The following B4GALT1 variants were observed in gnomAD, a reference collection of about 807,000 sequenced individuals.
B4GALT1 encodes the protein N-acetyllactosamine synthase.
Under a neutral mutation model 34.9 loss-of-function variants are expected in B4GALT1, and 16 were observed. The observed-to-expected ratio is 0.46, with a 90% CI of 0.31 to 0.70. The LOEUF is 0.70. B4GALT1 is among the 30% of genes least tolerant of loss of function. The pLI, the probability that B4GALT1 is intolerant of heterozygous loss-of-function variation, is 0.05. For missense variants in B4GALT1, 445 were observed against 530.5 expected, an observed-to-expected ratio of 0.84 and a Z score of 1.58; for synonymous variants, 221 against 218.1, an observed-to-expected ratio of 1.01 and a Z score of -0.12.
At chr9:33,152,544 CCAAAAAAAGGGTAAAA>C (rs922456003) in intron 1 of B4GALT1, among the ~76,000 whole-genome samples, 5 of 142,652 alleles carry the variant, frequency 3.5e-5, no homozygotes, top group Admixed American at 7.0e-5. Context: ...AAAAAATGGG[CCAAAAAAAGGGTAAAA>C]AAAAAAAAGG....
upstream of B4GALT1, among the ~76,000 whole-genome samples, chr9:33,168,862 C>G (rs1840810696): frequency 1.3e-5 from 2 of 152,188 alleles, no homozygotes; most frequent in Admixed American, 1.3e-4. Context: ...TACATCTTGC[C>G]CTCAGCAACC....
At chr9:33,184,863 TGA>T in the B4GALT1 span, among the ~76,000 whole-genome samples, 1 of 152,186 alleles carries the variant, frequency 6.6e-6, no homozygotes, top group Non-Finnish European at 1.5e-5. Context: ...TATTCCAGAA[TGA>T]GACTAACATC....
At chr9:33,110,173 C>A (rs1839837394), downstream of B4GALT1, among the ~76,000 whole-genome samples, 2 of 152,236 alleles carry the variant, frequency 1.3e-5, 1 homozygote, top group South Asian at 4.1e-4. Flanking sequence ...GGAGGAGGCA[C>A]CTGGGTAAAA....
the B4GALT1 span, among the ~76,000 whole-genome samples, chr9:33,176,455 T>A: frequency 6.5e-3 from 986 of 152,296 alleles, 13 homozygotes; most frequent in Middle Eastern, 0.051. Context: ...TTAGAAGCAC[T>A]TTAGTCTACA....
chr9:33,180,592 T>C, the B4GALT1 span, among the ~76,000 whole-genome samples: 5 of 152,312 alleles, frequency 3.3e-5, no homozygotes, highest in African/African-American at 1.2e-4. Flanking sequence ...TTGCCCATGA[T>C]TATTTAACAC....
intron 2 of B4GALT1, among the ~76,000 whole-genome samples, chr9:33,133,918 G>A (rs1840229777): frequency 6.6e-6 from 1 of 152,192 alleles, no homozygotes; most frequent in South Asian, 2.1e-4. Flanking sequence ...CCCCAGCTGA[G>A]AAGCCCATCT....
chr9:33,139,460 C>G (rs1840317333), intron 1 of B4GALT1, among the ~76,000 whole-genome samples: 1 of 152,220 alleles, frequency 6.6e-6, no homozygotes, highest in African/African-American at 2.4e-5. Context: ...TCTTGCCAAT[C>G]TGGCAATTTT....
upstream of B4GALT1, among the ~76,000 whole-genome samples, chr9:33,168,953 G>A (rs1009439871): frequency 2.6e-5 from 4 of 152,134 alleles, no homozygotes; most frequent in African/African-American, 9.7e-5. Context: ...AATCTAAAAG[G>A]TGTCCTTGAT....
At chr9:33,146,245 T>A (rs183525510) in intron 1 of B4GALT1, among the ~76,000 whole-genome samples, 81 of 152,296 alleles carry the variant, frequency 5.3e-4, no homozygotes, top group African/African-American at 1.9e-3. Flanking sequence ...CTGGAAAGTG[T>A]GGAAACTGTG....
At position 33,143,265 on chromosome 9, in the gene B4GALT1, T is replaced by G. The variant is rs371008011; in HGVS notation, c.413-7841A>C. Among the ~76,000 whole-genome samples the G allele has an allele frequency of 1.5e-3, 225 of 152,316 alleles. 1 individual carries two copies. Among genetic ancestry groups the G allele is most frequent in the African/African-American group, 5.2e-3 (216 of 41,562 alleles). ...TGGGCACAGTGGGGCCAGGTGCTCA[T>G]CCATTCATCTGTGCTCAGAAACAGT... On this transcript the variant is annotated intron_variant, in intron 1 of 5. Transcript: ENST00000379731.
intron 1 of B4GALT1, among the ~76,000 whole-genome samples, chr9:33,137,297 C>T (rs1466094644): frequency 6.6e-6 from 1 of 152,198 alleles, no homozygotes; most frequent in Non-Finnish European, 1.5e-5. Flanking sequence ...TCTTAACTAG[C>T]AAACTTTCGC....
intron 2 of B4GALT1, among the ~76,000 whole-genome samples, chr9:33,127,459 G>A (rs1346507788): frequency 1.3e-5 from 2 of 152,170 alleles, no homozygotes; most frequent in South Asian, 2.1e-4. Context: ...AAAGCAATTT[G>A]GCCATCTGTA....
At chr9:33,166,352 G>A (rs1840752746) in intron 1 of B4GALT1, among the ~76,000 whole-genome samples, 1 of 152,140 alleles carries the variant, frequency 6.6e-6, no homozygotes, top group Non-Finnish European at 1.5e-5. Flanking sequence ...CCCACCGGGA[G>A]CCTCACGTCA....
chr9:33,107,433 C>T (rs576121433), downstream of B4GALT1, among the ~76,000 whole-genome samples: 7 of 152,266 alleles, frequency 4.6e-5, no homozygotes, highest in South Asian at 1.4e-3. Flanking sequence ...CCTCTCCCCC[C>T]ACCCCCACAC....
intron 2 of B4GALT1, among the ~76,000 whole-genome samples, chr9:33,125,944 A>C (rs3780495): frequency 0.37 from 56,496 of 151,992 alleles, 11,220 homozygotes; most frequent in East Asian, 0.59. Context: ...TCCTGCACCA[A>C]AAGACACAGC....
At chr9:33,143,099 C>T (rs1395194598) in intron 1 of B4GALT1, among the ~76,000 whole-genome samples, 1 of 152,174 alleles carries the variant, frequency 6.6e-6, no homozygotes, top group African/African-American at 2.4e-5. Flanking sequence ...GAGCCGAGAT[C>T]ATGCCACTGC....
chr9:33,142,948 C>T (rs1358596128), intron 1 of B4GALT1, among the ~76,000 whole-genome samples: 1 of 152,002 alleles, frequency 6.6e-6, no homozygotes, highest in Admixed American at 6.6e-5. Flanking sequence ...AGTTCGAGAC[C>T]AGCCTGGCCA....
chr9:33,176,362 A>G, the B4GALT1 span, among the ~76,000 whole-genome samples: 5 of 152,120 alleles, frequency 3.3e-5, no homozygotes, highest in African/African-American at 1.2e-4. Flanking sequence ...TTTTTACTCA[A>G]ACCATACCCC....
chr9:33,132,351 T>A (rs1840205494), intron 2 of B4GALT1, among the ~76,000 whole-genome samples: 1 of 152,164 alleles, frequency 6.6e-6, no homozygotes, highest in East Asian at 1.9e-4. Context: ...ACTCATCACT[T>A]GAGACGGTTC....
Sources: gnomAD v4.1 joint callset for allele counts (sites outside exome capture counted in the v4.1 genomes callset) on GRCh38, gnomAD v4.1.1 for gene constraint, MANE v1.5 for transcripts, NCBI Gene and HGNC (gene_info 2026-07-23, HGNC 2026-07-21) for gene names.